CMSS1: variants seen among roughly 807,000 people sequenced by gnomAD.
CMSS1 encodes the protein cms1 ribosomal small subunit homolog, also known as protein CMSS1.
Under a neutral mutation model 43.5 loss-of-function variants are expected in CMSS1, and 33 were observed. The observed-to-expected ratio is 0.76, with a 90% CI of 0.57 to 1.01. The LOEUF (loss-of-function observed/expected upper bound fraction) is 1.01. CMSS1 is among the 50% of genes least tolerant of loss of function. The pLI, the probability that CMSS1 is intolerant of heterozygous loss-of-function variation, is 0.00. For missense variants in CMSS1, 313 were observed against 326.4 expected (o/e 0.96, Z 0.32); for synonymous variants, 115 against 117.2 (o/e 0.98, Z 0.12).
intron 1 of CMSS1, among the ~76,000 whole-genome samples, chr3:100,015,030 T>C (rs2107209764): frequency 6.6e-6 from 1 of 151,826 alleles, no homozygotes; most frequent in African/African-American, 2.4e-5. Flanking sequence ...TTTCAGGTTT[T>C]ACATTTAAGG....
At chr3:99,985,146 G>A (rs1709298179) in intron 1 of CMSS1, among the ~76,000 whole-genome samples, 1 of 152,164 alleles carries the variant, frequency 6.6e-6, no homozygotes, top group South Asian at 2.1e-4. Flanking sequence ...TTGGAGTAAA[G>A]AGAAGATTGA....
At chr3:99,843,599 A>G (rs1055899626) in intron 1 of CMSS1, among the ~76,000 whole-genome samples, 2 of 152,208 alleles carry the variant, frequency 1.3e-5, no homozygotes, top group Admixed American at 1.3e-4. Flanking sequence ...AGTTGAAAAT[A>G]TGTTTAATAC....
intron 6 of CMSS1, among the ~76,000 whole-genome samples, chr3:100,168,909 A>G (rs939632587): frequency 1.3e-5 from 2 of 151,604 alleles, no homozygotes; most frequent in African/African-American, 4.8e-5. Flanking sequence ...ATATACACAT[A>G]TATATACACA....
chr3:100,092,533 C>A (rs966753892), intron 1 of CMSS1, among the ~76,000 whole-genome samples: 4 of 151,258 alleles, frequency 2.6e-5, no homozygotes, highest in African/African-American at 7.3e-5. Context: ...CCTTAAAATA[C>A]CCTTGCATGT....
chr3:100,150,256 T>G (rs1160736597), intron 2 of CMSS1, among the ~76,000 whole-genome samples: 6 of 152,258 alleles, frequency 3.9e-5, no homozygotes, highest in African/African-American at 1.2e-4. Flanking sequence ...GTGTCCACTA[T>G]AGTACCTAAC....
At chr3:100,065,594 C>T (rs1404898435) in intron 1 of CMSS1, among the ~76,000 whole-genome samples, 2 of 152,132 alleles carry the variant, frequency 1.3e-5, no homozygotes, top group African/African-American at 2.4e-5. Flanking sequence ...ACTCTTTCTT[C>T]CTAATGAAAA....
chr3:100,040,290 ACTCC>A lies in CMSS1; in HGVS notation c.65-106679_65-106676del, dbSNP rs2065181963. 2.0e-5 allele frequency: 3 copies of A among 151,950 alleles called. No individual in the cohort carries two copies. The South Asian group carries it at 6.2e-4, about 32-fold the overall frequency. The allele number at this position is 151,950 out of a possible 1,614,324, so 9.4% of individuals were successfully genotyped here. A position where few individuals can be genotyped will look rare whatever the true frequency, so the allele number is the denominator to read the frequency against. On this transcript the variant is annotated intron_variant, in intron 1 of 9. Coordinates refer to ENST00000421999, the MANE Select transcript of CMSS1 (RefSeq NM_032359.4). ...ATTTCATTTGCATAATTCTCATCTA[ACTCC>A]CTCTTTTAAAAAAAGTATTAATTAT...
At position 100,056,518 on chromosome 3, in the gene CMSS1, T is replaced by C. The variant is rs946972286; in HGVS notation, c.65-90455T>C. Among the ~76,000 whole-genome samples, 124 of 152,198 alleles carry C rather than the reference T, an allele frequency of 8.1e-4. 1 individual carries two copies. Among genetic ancestry groups the C allele is most frequent in the Non-Finnish European group, 5.9e-5 (4 of 68,026 alleles). ...ATCTGCTCTTGTTGAGCTAGAGATATCATTAACATTTTAGCCTCCAGGTCA... is the reference window on the plus strand; with the variant it reads ...ATCTGCTCTTGTTGAGCTAGAGATACCATTAACATTTTAGCCTCCAGGTCA... On this transcript the variant is annotated intron_variant, in intron 1 of 9. Coordinates refer to ENST00000421999, the MANE Select transcript of CMSS1 (RefSeq NM_032359.4).
chr3:100,069,211 G>A (rs539592140), intron 1 of CMSS1, among the ~76,000 whole-genome samples: 21 of 152,178 alleles, frequency 1.4e-4, no homozygotes, highest in African/African-American at 4.3e-4. Context: ...CTTTAAAAAG[G>A]TGCAATTCTA....
intron 6 of CMSS1, among the ~76,000 whole-genome samples, chr3:100,169,344 G>GTC (rs2067090862): frequency 6.6e-6 from 1 of 152,212 alleles, no homozygotes; most frequent in African/African-American, 2.4e-5. Flanking sequence ...GAGAAGAGCC[G>GTC]TGAGAGTCAG....
At chr3:100,091,697 C>T (rs1032959918) in intron 1 of CMSS1, among the ~76,000 whole-genome samples, 1 of 152,166 alleles carries the variant, frequency 6.6e-6, no homozygotes, top group African/African-American at 2.4e-5. Context: ...CCATCTCTGA[C>T]AAGAATAAAA....
At chr3:99,841,027 CT>C (rs1943108246) in intron 1 of CMSS1, among the ~76,000 whole-genome samples, 1 of 152,216 alleles carries the variant, frequency 6.6e-6, no homozygotes, top group South Asian at 2.1e-4. Context: ...GGCAGTGAAT[CT>C]TTCATCTCCA....
intron 1 of CMSS1, among the ~76,000 whole-genome samples, chr3:100,123,540 A>G (rs1326050593): frequency 6.6e-6 from 1 of 152,186 alleles, no homozygotes; most frequent in Non-Finnish European, 1.5e-5. Flanking sequence ...TGGCTCTCGT[A>G]TGGAGAATGG....
At chr3:100,035,050 T>G (rs1322093022) in intron 1 of CMSS1, among the ~76,000 whole-genome samples, 1 of 152,138 alleles carries the variant, frequency 6.6e-6, no homozygotes, top group Non-Finnish European at 1.5e-5. Context: ...CTTGAAGACC[T>G]GTTTATCTTA....
At chr3:100,134,390 T>G (rs956771906) in intron 1 of CMSS1, among the ~76,000 whole-genome samples, 35 of 152,306 alleles carry the variant, frequency 2.3e-4, no homozygotes, top group African/African-American at 8.4e-4. Context: ...TCACAAAAAT[T>G]AAAGCTAAAA....
intron 1 of CMSS1, among the ~76,000 whole-genome samples, chr3:100,080,183 C>T (rs1182499093): frequency 6.6e-6 from 1 of 151,992 alleles, no homozygotes; most frequent in Non-Finnish European, 1.5e-5. Context: ...GGGATCTCGC[C>T]ATATTGCCCA....
At chr3:99,828,938 C>T (rs965597977) in intron 1 of CMSS1, among the ~76,000 whole-genome samples, 1 of 152,152 alleles carries the variant, frequency 6.6e-6, no homozygotes, top group African/African-American at 2.4e-5. Flanking sequence ...CAATGCTGCC[C>T]ATCATCCCTC....
At chr3:99,939,095 C>T (rs570167369) in intron 1 of CMSS1, among the ~76,000 whole-genome samples, 2 of 152,330 alleles carry the variant, frequency 1.3e-5, no homozygotes, top group African/African-American at 4.8e-5. Flanking sequence ...GATTCAGGTT[C>T]ATATTCCCAA....
At chr3:99,828,916 T>TCATCCCTCTCAATGCTGCCC (rs1942590357) in intron 1 of CMSS1, among the ~76,000 whole-genome samples, 1 of 151,180 alleles carries the variant, frequency 6.6e-6, no homozygotes, top group African/African-American at 2.4e-5. Flanking sequence ...CAATGCTGCC[T>TCATCCCTCTCAATGCTGCCC]ATCATCCCTC....
Sources: allele counts gnomAD v4.1 joint callset (sites outside exome capture counted in the v4.1 genomes callset), GRCh38; gene constraint gnomAD v4.1.1; transcripts MANE v1.5; gene names NCBI Gene and HGNC (gene_info 2026-07-23, HGNC 2026-07-21).